The following TBC1D8 variants were observed in gnomAD, a reference collection of about 807,000 sequenced individuals.
TBC1D8 encodes BUB2-like protein 1.
A neutral mutation model predicts 118.8 loss-of-function variants in TBC1D8; 65 were observed. The ratio of observed to expected loss-of-function variants is 0.55; its 90% CI spans 0.45 to 0.67. The LOEUF (loss-of-function observed/expected upper bound fraction) is 0.67. Ranked by LOEUF, TBC1D8 falls within the 30% of genes least tolerant of loss-of-function variation. The pLI, the probability that TBC1D8 is intolerant of heterozygous loss-of-function variation, is 0.00. For missense variants in TBC1D8, 1,376 were observed against 1,471.2 expected, an observed-to-expected ratio of 0.94 and a Z score of 1.06; for synonymous variants, 566 against 595.8, an observed-to-expected ratio of 0.95 and a Z score of 0.73.
At chr2:101,089,132 T>C (rs570199362) in intron 2 of TBC1D8, among the ~76,000 whole-genome samples, 1 of 152,306 alleles carries the variant, frequency 6.6e-6, no homozygotes, top group East Asian at 1.9e-4. Flanking sequence ...GGCTGATCAC[T>C]GAAGGCCAGG....
chr2:101,051,092 T>G (rs1682043050), intron 4 of TBC1D8, among the ~76,000 whole-genome samples: 1 of 152,236 alleles, frequency 6.6e-6, no homozygotes, highest in African/African-American at 2.4e-5. Flanking sequence ...ATGAGCTCAT[T>G]CTTTTTTATG....
At chr2:101,089,562 GAGA>G (rs1168555539) in intron 2 of TBC1D8, among the ~76,000 whole-genome samples, 1 of 152,176 alleles carries the variant, frequency 6.6e-6, no homozygotes, top group African/African-American at 2.4e-5. Context: ...ACCCCAGAAG[GAGA>G]AGATGAGCAG....
At chr2:101,042,314 AG>A (rs1400785225) in intron 5 of TBC1D8, among the ~76,000 whole-genome samples, 1 of 152,170 alleles carries the variant, frequency 6.6e-6, no homozygotes, top group Non-Finnish European at 1.5e-5. Context: ...CCAAAATTCT[AG>A]TAAGGGGGAA....
intron 19 of TBC1D8, among the ~76,000 whole-genome samples, chr2:101,009,396 A>ACT (rs756017736): frequency 7.1e-6 from 1 of 141,364 alleles, no homozygotes; most frequent in Non-Finnish European, 1.5e-5. Context: ...ACAGAGTGAG[A>ACT]CTCTGTCTCC....
At chr2:101,128,124 T>G (rs535741212) in intron 1 of TBC1D8, among the ~76,000 whole-genome samples, 1 of 152,188 alleles carries the variant, frequency 6.6e-6, no homozygotes, top group African/African-American at 2.4e-5. Flanking sequence ...TCCTATTCTT[T>G]CCCCCCAATA....
intron 5 of TBC1D8, among the ~76,000 whole-genome samples, chr2:101,040,650 A>G (rs1004244055): frequency 3.3e-5 from 5 of 152,198 alleles, no homozygotes; most frequent in African/African-American, 1.2e-4. Flanking sequence ...TTGTATTTAT[A>G]GTAGAGATGG....
chr2:101,035,000 G>A (rs778606358), intron 9 of TBC1D8, among the ~76,000 whole-genome samples: 4 of 152,064 alleles, frequency 2.6e-5, no homozygotes, highest in South Asian at 2.1e-4. Context: ...TGGGCATCTC[G>A]GGCAGGAGGT....
chr2:101,137,276 G>A lies in TBC1D8; in HGVS notation c.127+13851C>T, dbSNP rs138092927. Reference sequence around the variant, plus strand: ...TCGAACTCCTGACCTCCAATGATCCGCCCACCCCAGCCTCCCAAAGTGCTG... The same window carrying A: ...TCGAACTCCTGACCTCCAATGATCCACCCACCCCAGCCTCCCAAAGTGCTG... On this transcript the variant is annotated intron_variant, in intron 1 of 19. Transcript: ENST00000409318. Among the ~76,000 whole-genome samples, 343 of 151,474 alleles carry A rather than the reference G, an allele frequency of 2.3e-3. 1 individual carries two copies. The highest frequency in any genetic ancestry group is 6.5e-3 in the African/African-American group (266 of 41,194).
chr2:101,138,876 C>T (rs1678976825), intron 1 of TBC1D8, among the ~76,000 whole-genome samples: 4 of 152,116 alleles, frequency 2.6e-5, no homozygotes, highest in African/African-American at 7.2e-5. Flanking sequence ...GGAGGTGGGG[C>T]TGAAATCCCC....
intron 17 of TBC1D8, among the ~76,000 whole-genome samples, chr2:101,017,469 G>C (rs1315429634): frequency 6.6e-6 from 1 of 152,168 alleles, no homozygotes; most frequent in African/African-American, 2.4e-5. Flanking sequence ...TTTTGCTATG[G>C]TGTTTACAAT....
intron 9 of TBC1D8, 21 bp downstream of exon 9, chr2:101,035,997 C>T (rs201513386): frequency 2.4e-5 from 39 of 1,612,314 alleles, no homozygotes; most frequent in East Asian, 8.9e-5. Flanking sequence ...CAATTAGCTT[C>T]GAGACACCAA....
At chr2:101,147,261 G>C (rs1312305658) in intron 1 of TBC1D8, among the ~76,000 whole-genome samples, 1 of 152,166 alleles carries the variant, frequency 6.6e-6, no homozygotes, top group African/African-American at 2.4e-5. Flanking sequence ...ATTGTAAATA[G>C]TGATGCAATA....
chr2:101,049,850 G>A (rs1188289791), intron 5 of TBC1D8, among the ~76,000 whole-genome samples: 4 of 150,448 alleles, frequency 2.7e-5, no homozygotes, highest in Non-Finnish European at 5.9e-5. Flanking sequence ...TTTTTGAGAC[G>A]GAGTCTTGTT....
At chr2:101,071,081 T>C (rs1683283007) in intron 2 of TBC1D8, among the ~76,000 whole-genome samples, 1 of 152,196 alleles carries the variant, frequency 6.6e-6, no homozygotes, top group African/African-American at 2.4e-5. Flanking sequence ...GGCTCATGCC[T>C]GTAATCCCAG....
intron 1 of TBC1D8, among the ~76,000 whole-genome samples, chr2:101,101,555 C>G (rs906663797): frequency 1.3e-5 from 2 of 151,938 alleles, no homozygotes; most frequent in African/African-American, 4.8e-5. Context: ...GGGTATATAC[C>G]CAAAGGAATA....
intron 15 of TBC1D8, among the ~76,000 whole-genome samples, chr2:101,025,685 C>A (rs1366512952): frequency 6.6e-6 from 1 of 152,136 alleles, no homozygotes; most frequent in East Asian, 1.9e-4. Context: ...CAAAATAACA[C>A]TGAAGAGACC....
At position 101,109,759 on chromosome 2, in the gene TBC1D8, G is replaced by A. The variant is rs112022356; in HGVS notation, c.128-19395C>T. The A allele has an allele frequency of 6.9e-4, 682 of 982,418 alleles. 6 individuals carry two copies. In the African/African-American group the frequency reaches 0.011, roughly 16 times the overall value. 60.9% of individuals were successfully genotyped at this position (982,418 alleles called of 1,614,324 possible). ...CCCCAGCCCTGGCTCCAGAGCCCAC[G>A]TTCTCTTCTACTGGGTGAGGACTGG... On this transcript the variant is annotated intron_variant, in intron 1 of 19. Coordinates refer to ENST00000409318, the MANE Select transcript of TBC1D8 (RefSeq NM_001330348.2).
intron 1 of TBC1D8, among the ~76,000 whole-genome samples, chr2:101,141,087 A>T (rs533301432): frequency 6.6e-6 from 1 of 152,116 alleles, no homozygotes; most frequent in Non-Finnish European, 1.5e-5. Context: ...TAGTGTAGGC[A>T]TTAGCTGTCA....
intron 15 of TBC1D8, chr2:101,023,531 AG>A (rs1339855284): frequency 2.9e-6 from 1 of 348,122 alleles, no homozygotes; most frequent in Non-Finnish European, 5.8e-6. Flanking sequence ...ACCTGTGGGG[AG>A]GGCCCCAGAG....
Sources: allele counts gnomAD v4.1 joint callset (sites outside exome capture counted in the v4.1 genomes callset), GRCh38; gene constraint gnomAD v4.1.1; transcripts MANE v1.5; gene names NCBI Gene and HGNC (gene_info 2026-07-23, HGNC 2026-07-21).